Variants in FAM110B observed in about 807,000 individuals in gnomAD.
The protein encoded by FAM110B is protein FAM110B.
In FAM110B, 6 loss-of-function variants were observed where a neutral mutation model predicts 20.4. The ratio of observed to expected loss-of-function variants is 0.29; its 90% CI spans 0.16 to 0.58. The LOEUF (loss-of-function observed/expected upper bound fraction) is 0.58, where lower values mean the gene tolerates loss of function less well. Among genes scored for constraint, FAM110B ranks in the 20% least tolerant of loss-of-function variants. The pLI is 0.90. For synonymous variants in FAM110B, 226 were observed against 214.1 expected, an observed-to-expected ratio of 1.06 and a Z score of -0.49; for missense variants, 434 against 498.2, an observed-to-expected ratio of 0.87 and a Z score of 1.23.
chr8:58,069,840 CT>C, intron 2 of FAM110B, among the ~76,000 whole-genome samples: 1 of 152,276 alleles, frequency 6.6e-6, no homozygotes, highest in Admixed American at 6.5e-5. Flanking sequence ...ATCTGATAAG[CT>C]TAAGTAAGCC....
intron 1 of FAM110B, among the ~76,000 whole-genome samples, chr8:58,009,227 G>T (rs1229836721): frequency 6.6e-6 from 1 of 152,202 alleles, no homozygotes; most frequent in African/African-American, 2.4e-5. Context: ...TGGAGATTTA[G>T]GTAGATTATA....
intron 2 of FAM110B, among the ~76,000 whole-genome samples, chr8:58,049,796 C>G (rs1410309700): frequency 6.6e-6 from 1 of 152,110 alleles, no homozygotes; most frequent in Non-Finnish European, 1.5e-5. Context: ...AGTTAATGCT[C>G]ACTCTTAAGT....
chr8:58,086,624 C>T (rs1481322563), intron 3 of FAM110B, among the ~76,000 whole-genome samples: 1 of 152,154 alleles, frequency 6.6e-6, no homozygotes, highest in Non-Finnish European at 1.5e-5. Context: ...CCACTGTGCA[C>T]TTCTTAGGAC....
intron 3 of FAM110B, among the ~76,000 whole-genome samples, chr8:58,099,887 G>A (rs1282491449): frequency 6.6e-6 from 1 of 152,222 alleles, no homozygotes; most frequent in South Asian, 2.1e-4. Context: ...TCATTTTAAA[G>A]ATTTTTATTG....
chr8:58,084,985 G>C (rs1467600895), intron 3 of FAM110B, among the ~76,000 whole-genome samples: 1 of 152,160 alleles, frequency 6.6e-6, no homozygotes, highest in Non-Finnish European at 1.5e-5. Flanking sequence ...GAGGGTGTTA[G>C]AGTGGCTACA....
At chr8:58,129,077 T>A (rs1466982273) in intron 3 of FAM110B, among the ~76,000 whole-genome samples, 1 of 152,258 alleles carries the variant, frequency 6.6e-6, no homozygotes, top group Non-Finnish European at 1.5e-5. Flanking sequence ...AGACTCCGTC[T>A]ATCTTTAGAG....
chr8:58,079,464 A>G lies in FAM110B; in HGVS notation c.-325+3841A>G, dbSNP rs536994628. Among the ~76,000 whole-genome samples the G allele has an allele frequency of 2.0e-5, 3 of 152,302 alleles. No individual in the cohort carries two copies. In the South Asian group the frequency reaches 6.2e-4, roughly 32 times the overall value. On this transcript the variant is annotated intron_variant, in intron 3 of 3. Coordinates refer to ENST00000519262, the MANE Select transcript of FAM110B (RefSeq NM_001377989.1). ...CACTTATTGTGAAGTTCAAAAAATT[A>G]TTGATTGGAATTTAAATTATCAAAT...
chr8:58,054,423 A>T (rs1805513073), intron 2 of FAM110B, among the ~76,000 whole-genome samples: 1 of 152,144 alleles, frequency 6.6e-6, no homozygotes, highest in East Asian at 1.9e-4. Context: ...AATCAAGCAG[A>T]ATATTTCTAT....
chr8:58,049,849 T>C (rs1805404823), intron 2 of FAM110B, among the ~76,000 whole-genome samples: 1 of 152,260 alleles, frequency 6.6e-6, no homozygotes, highest in African/African-American at 2.4e-5. Context: ...CTTTTTCTTG[T>C]AATAATCTAC....
At chr8:58,018,808 C>CG (rs1804686162) in intron 1 of FAM110B, among the ~76,000 whole-genome samples, 1 of 129,956 alleles carries the variant, frequency 7.7e-6, no homozygotes, top group African/African-American at 3.0e-5. Flanking sequence ...CTAGGGATTA[C>CG]AATAGATAGA....
At chr8:58,024,814 G>A (rs1804821581) in intron 1 of FAM110B, among the ~76,000 whole-genome samples, 1 of 152,196 alleles carries the variant, frequency 6.6e-6, no homozygotes, top group Non-Finnish European at 1.5e-5. Context: ...TGCCATGGAG[G>A]CAGGCTTTGA....
chr8:58,145,482 C>G (rs1476420437), intron 3 of FAM110B, among the ~76,000 whole-genome samples: 1 of 152,162 alleles, frequency 6.6e-6, no homozygotes. Context: ...GACGTTGCAA[C>G]CGGGGGGCAT....
chr8:58,086,120 G>A (rs1293724510), intron 3 of FAM110B, among the ~76,000 whole-genome samples: 1 of 152,096 alleles, frequency 6.6e-6, no homozygotes, highest in Non-Finnish European at 1.5e-5. Flanking sequence ...TATGTACAGT[G>A]GTCATGTTCA....
chr8:57,996,031 G>A lies in FAM110B; in HGVS notation c.-512+1225G>A, dbSNP rs563463991. The stretch of plus-strand genomic sequence containing the variant: ...CCCAGTTTACACGTAGTGATTTCTG[G>A]GAAGATACTTGTATTAATTTCTTGT... On this transcript the variant is annotated intron_variant, in intron 1 of 3. Transcript: ENST00000519262. Among the ~76,000 whole-genome samples, 5 of 152,294 alleles carry A rather than the reference G, an allele frequency of 3.3e-5. No homozygotes were observed. The East Asian group carries it at 7.7e-4, about 23-fold the overall frequency.
intron 3 of FAM110B, among the ~76,000 whole-genome samples, chr8:58,140,160 G>A (rs1411804948): frequency 6.6e-6 from 1 of 152,042 alleles, no homozygotes. Flanking sequence ...CCACTTCTCC[G>A]TAGTCAAGTG....
chr8:58,040,140 C>G (rs545235353), intron 2 of FAM110B, among the ~76,000 whole-genome samples: 1 of 151,944 alleles, frequency 6.6e-6, no homozygotes, highest in South Asian at 2.1e-4. Flanking sequence ...AGCGCTTCTT[C>G]GACATACTGT....
chr8:58,013,271 G>A (rs188128282), intron 1 of FAM110B, among the ~76,000 whole-genome samples: 241 of 152,278 alleles, frequency 1.6e-3, no homozygotes, highest in African/African-American at 4.9e-3. Context: ...CAGTATCATC[G>A]CAAGAAATGT....
chr8:58,086,086 G>C (rs1806325377), intron 3 of FAM110B, among the ~76,000 whole-genome samples: 1 of 152,152 alleles, frequency 6.6e-6, no homozygotes, highest in Admixed American at 6.5e-5. Flanking sequence ...TGGCTAAAAT[G>C]AAATTAACGC....
intron 1 of FAM110B, among the ~76,000 whole-genome samples, chr8:58,020,673 C>G (rs1217538045): frequency 1.3e-5 from 2 of 152,220 alleles, no homozygotes; most frequent in Non-Finnish European, 2.9e-5. Context: ...ATATGGGCTA[C>G]ATGATTTCTC....
Sources: gnomAD v4.1 joint callset for allele counts (sites outside exome capture counted in the v4.1 genomes callset) on GRCh38, gnomAD v4.1.1 for gene constraint, MANE v1.5 for transcripts, NCBI Gene and HGNC (gene_info 2026-07-23, HGNC 2026-07-21) for gene names.